TYW1B: variants seen among roughly 807,000 people sequenced by gnomAD.
TYW1B encodes the protein S-adenosyl-L-methionine-dependent tRNA 4-demethylwyosine synthase TYW1B.
Under a neutral mutation model 86.9 loss-of-function variants are expected in TYW1B, and 73 were observed. That is an observed-to-expected ratio of 0.84 (90% CI 0.70 to 1.02). TYW1B has a LOEUF of 1.02. TYW1B is among the 50% of genes least tolerant of loss of function. The probability of loss-of-function intolerance (pLI) is 0.00; values close to 1 mark genes in which losing one functional copy is unlikely to be tolerated. For synonymous variants in TYW1B, 248 were observed against 292.8 expected (o/e 0.85, Z 1.56); for missense variants, 637 against 827.4 (o/e 0.77, Z 2.82).
intron 13 of TYW1B, among the ~76,000 whole-genome samples, chr7:72,601,044 C>T (rs758958656): frequency 8.6e-5 from 13 of 151,762 alleles, no homozygotes; most frequent in Non-Finnish European, 1.6e-4. Context: ...GTAATCCCAG[C>T]TACTTGGGAG....
intron 11 of TYW1B, among the ~76,000 whole-genome samples, chr7:72,637,667 T>G (rs1199521233): frequency 9.9e-5 from 15 of 151,536 alleles, no homozygotes; most frequent in African/African-American, 3.6e-4. Context: ...TTACTCTATG[T>G]TTAATCTACT....
chr7:72,779,623 AG>A (rs1554471300), intron 6 of TYW1B, among the ~76,000 whole-genome samples: 1 of 150,560 alleles, frequency 6.6e-6, no homozygotes, highest in East Asian at 2.0e-4. Flanking sequence ...AGGCTGAGGC[AG>A]GAAAATCGCT....
chr7:72,716,661 C>A (rs1786791799), intron 9 of TYW1B, among the ~76,000 whole-genome samples: 1 of 145,740 alleles, frequency 6.9e-6, no homozygotes, highest in African/African-American at 2.7e-5. Flanking sequence ...GTTTTTGAGA[C>A]AGAGTCTCGC....
At chr7:72,668,383 A>G (rs535398653) in intron 11 of TYW1B, among the ~76,000 whole-genome samples, 1 of 152,330 alleles carries the variant, frequency 6.6e-6, no homozygotes, top group African/African-American at 2.4e-5. Flanking sequence ...AGAATCACAG[A>G]ATTATTTAAA....
chr7:72,811,512 T>C (rs1788618598), intron 3 of TYW1B, among the ~76,000 whole-genome samples: 1 of 151,852 alleles, frequency 6.6e-6, no homozygotes, highest in Admixed American at 6.6e-5. Flanking sequence ...TTGTATTTGG[T>C]GTTTGAGATT....
intron 7 of TYW1B, among the ~76,000 whole-genome samples, chr7:72,749,918 T>TTG (rs1563081418): frequency 6.7e-6 from 1 of 149,042 alleles, no homozygotes; most frequent in Non-Finnish European, 1.5e-5. Flanking sequence ...TTTTGTTTTT[T>TTG]TTTTTTTTTT....
At chr7:72,641,666 G>C (rs1354818330) in intron 11 of TYW1B, among the ~76,000 whole-genome samples, 1 of 152,142 alleles carries the variant, frequency 6.6e-6, no homozygotes, top group Non-Finnish European at 1.5e-5. Context: ...GGTATGGGGA[G>C]TAACTGCTTA....
intron 11 of TYW1B, among the ~76,000 whole-genome samples, chr7:72,657,717 A>T (rs1813237395): frequency 6.6e-6 from 1 of 152,218 alleles, no homozygotes; most frequent in Non-Finnish European, 1.5e-5. Flanking sequence ...CTGCTTATCA[A>T]AAATACTACA....
intron 13 of TYW1B, among the ~76,000 whole-genome samples, chr7:72,595,884 T>C (rs1323027682): frequency 8.6e-5 from 13 of 151,954 alleles, no homozygotes; most frequent in African/African-American, 2.9e-4. Flanking sequence ...AATATTAAGA[T>C]GTCAACACTG....
intron 11 of TYW1B, among the ~76,000 whole-genome samples, chr7:72,693,710 T>C (rs1395511275): frequency 2.6e-5 from 4 of 152,114 alleles, no homozygotes; most frequent in Non-Finnish European, 2.9e-5. Flanking sequence ...ACGCCTCTTT[T>C]AAGGTGGTTA....
At chr7:72,622,738 TACAAC>T (rs1474736164) in intron 12 of TYW1B, among the ~76,000 whole-genome samples, 6 of 146,716 alleles carry the variant, frequency 4.1e-5, no homozygotes, top group Non-Finnish European at 7.5e-5. Flanking sequence ...CATGCACACA[TACAAC>T]ACACACAAGT....
intron 9 of TYW1B, among the ~76,000 whole-genome samples, chr7:72,721,780 A>G (rs1786908627): frequency 1.3e-5 from 2 of 152,150 alleles, no homozygotes; most frequent in South Asian, 4.1e-4. Flanking sequence ...AAGTTTTCTG[A>G]CATTTTTCTT....
At chr7:72,731,412 A>C (rs1340641656) in intron 8 of TYW1B, among the ~76,000 whole-genome samples, 1 of 150,950 alleles carries the variant, frequency 6.6e-6, no homozygotes, top group South Asian at 2.1e-4. Flanking sequence ...AAAAAAAAAA[A>C]AAACAAGAGA....
chr7:72,649,489 T>C (rs548598791), intron 11 of TYW1B, among the ~76,000 whole-genome samples: 2 of 152,154 alleles, frequency 1.3e-5, no homozygotes, highest in Non-Finnish European at 1.5e-5. Flanking sequence ...CAGACTCCCA[T>C]GACTTCAAGC....
At chr7:72,761,824 T>C (rs1554467225) in intron 7 of TYW1B, among the ~76,000 whole-genome samples, 2 of 151,998 alleles carry the variant, frequency 1.3e-5, no homozygotes. Flanking sequence ...TGACACATTT[T>C]TGTTCTAAAC....
At chr7:72,589,124 C>T (rs78756256) in intron 13 of TYW1B, among the ~76,000 whole-genome samples, 126 of 152,260 alleles carry the variant, frequency 8.3e-4, no homozygotes, top group African/African-American at 3.0e-3. Context: ...GACTTGTACT[C>T]GTTTAAGCCT....
intron 11 of TYW1B, among the ~76,000 whole-genome samples, chr7:72,671,494 A>G (rs1361477764): frequency 6.6e-6 from 1 of 152,234 alleles, no homozygotes; most frequent in Non-Finnish European, 1.5e-5. Flanking sequence ...ATTACTAGAT[A>G]TGAACTGTTG....
chr7:72,756,487 G>A (rs1295392976), intron 7 of TYW1B, among the ~76,000 whole-genome samples: 8 of 151,802 alleles, frequency 5.3e-5, no homozygotes, highest in African/African-American at 7.3e-5. Flanking sequence ...TGCCTGCCTC[G>A]GCCTCCCAAA....
At chr7:72,669,091 A>G (rs1282611527) in intron 11 of TYW1B, among the ~76,000 whole-genome samples, 3 of 152,052 alleles carry the variant, frequency 2.0e-5, no homozygotes, top group African/African-American at 7.2e-5. Flanking sequence ...ATTTATACAC[A>G]AAAATTATTC....
Sources: allele counts gnomAD v4.1 joint callset (sites outside exome capture counted in the v4.1 genomes callset), GRCh38; gene constraint gnomAD v4.1.1; transcripts MANE v1.5; gene names NCBI Gene and HGNC (gene_info 2026-07-23, HGNC 2026-07-21).